Variants in NCAM1 observed in about 807,000 individuals in gnomAD.
NCAM1 encodes neural cell adhesion molecule 1.
In NCAM1, 14 loss-of-function variants were observed where a neutral mutation model predicts 109.8. The ratio of observed to expected loss-of-function variants is 0.13; its 90% CI spans 0.08 to 0.20. NCAM1 has a LOEUF of 0.20. Among genes scored for constraint, NCAM1 ranks in the 10% least tolerant of loss-of-function variants. NCAM1 has a pLI of 1.00. For missense variants in NCAM1, 774 were observed against 1,109.9 expected (o/e 0.70, Z 4.30); for synonymous variants, 418 against 442.9 (o/e 0.94, Z 0.70).
Position 113,271,805 on chromosome 11 carries a change from G to C in NCAM1, c.2385G>C (p.Glu795Asp), listed in dbSNP as rs1243401652. The C allele has an allele frequency of 6.4e-7, 1 of 1,570,394 alleles. No homozygotes were observed. Among genetic ancestry groups the C allele is most frequent in the Admixed American group, 1.9e-5 (1 of 53,520 alleles). ...KEPIVEVRTE[E>D]ERTPNHDGGK... ...CCATCGTGGAGGTTCGAACGGAGGA[G>C]GAGAGGACCCCAAACCATGATGGAG... Residue 795 changes from glutamate to aspartate, a missense_variant, in exon 19 of 20, where the codon GAG becomes GAC. Physicochemically the swap from Glu to Asp is conservative, Grantham distance 45. Transcript: ENST00000316851.
chr11:113,051,476 T>G (rs1263621998), intron 1 of NCAM1, among the ~76,000 whole-genome samples: 1 of 152,070 alleles, frequency 6.6e-6, no homozygotes, highest in African/African-American at 2.4e-5. Flanking sequence ...TGTAGAAAAT[T>G]TACAAACACA....
At chr11:113,081,598 G>A (rs1388887726) in intron 1 of NCAM1, among the ~76,000 whole-genome samples, 1 of 151,776 alleles carries the variant, frequency 6.6e-6, no homozygotes, top group Non-Finnish European at 1.5e-5. Context: ...GCAGTGGCAC[G>A]ATCTCGGCTC....
intron 9 of NCAM1, chr11:113,231,413 G>A: frequency 9.5e-7 from 1 of 1,055,782 alleles, no homozygotes; most frequent in South Asian, 1.5e-5. Context: ...TGACATAACT[G>A]AGTCTCATTT....
In NCAM1 at chr11:113,270,183, T is replaced by C; in HGVS notation, c.2132-5T>C. 2.5e-6 allele frequency: 4 copies of C among 1,613,818 alleles called. No homozygotes were observed. Among genetic ancestry groups the C allele is most frequent in the Non-Finnish European group, 3.4e-6 (4 of 1,179,854 alleles). On this transcript the variant is annotated splice_region_variant and splice_polypyrimidine_tract_variant and intron_variant, in intron 17 of 19. Transcript: ENST00000316851. ...TAACCACCAGCCATCTCTCTCCCAC[T>C]CAAGCCAACGGCAGCCCCACCTCAG... is the stretch of plus-strand genomic sequence containing the variant.
chr11:112,974,059 A>G (rs1950945777), intron 1 of NCAM1, among the ~76,000 whole-genome samples: 1 of 152,116 alleles, frequency 6.6e-6, no homozygotes, highest in Admixed American at 6.5e-5. Flanking sequence ...TATTTAAATA[A>G]TGGTTGCTGC....
At position 113,231,811 on chromosome 11, in the gene NCAM1, G is replaced by A. The variant is rs1945016369; in HGVS notation, c.1240+16G>A. ...GAAGTGCAATGTAAGGAATAAATGG[G>A]GAAGGACCTGGGGGAGGGAGGGGCA... On this transcript the variant is annotated intron_variant, in intron 10 of 19. Transcript: ENST00000316851. 1 of 1,613,728 alleles carries A rather than the reference G, an allele frequency of 6.2e-7. No individual in the cohort carries two copies.
intron 1 of NCAM1, among the ~76,000 whole-genome samples, chr11:113,190,426 C>T (rs1555109640): frequency 6.6e-6 from 1 of 152,182 alleles, no homozygotes; most frequent in African/African-American, 2.4e-5. Context: ...TGCAGACTCA[C>T]AGAAGAAGAA....
intron 15 of NCAM1, among the ~76,000 whole-genome samples, chr11:113,253,878 G>A (rs148643041): frequency 6.2e-4 from 95 of 152,320 alleles, no homozygotes; most frequent in Admixed American, 2.5e-3. Context: ...ATTCCAGTTT[G>A]CCTGGGACTG....
At chr11:113,170,141 C>T (rs562037711) in intron 1 of NCAM1, among the ~76,000 whole-genome samples, 2 of 152,114 alleles carry the variant, frequency 1.3e-5, no homozygotes, top group African/African-American at 2.4e-5. Flanking sequence ...AGCCTGAAAC[C>T]AAAGAAGGCA....
At chr11:113,254,367 C>T (rs542841961) in intron 15 of NCAM1, among the ~76,000 whole-genome samples, 1 of 152,308 alleles carries the variant, frequency 6.6e-6, no homozygotes, top group East Asian at 1.9e-4. Flanking sequence ...AAATATCCTC[C>T]AGACATTGTG....
chr11:113,268,700 CT>C (rs1478888240), intron 17 of NCAM1, among the ~76,000 whole-genome samples: 1 of 152,210 alleles, frequency 6.6e-6, no homozygotes, highest in African/African-American at 2.4e-5. Flanking sequence ...CAAATACAGG[CT>C]GCATGAAAAA....
At chr11:113,184,696 T>G (rs1379405802) in intron 1 of NCAM1, among the ~76,000 whole-genome samples, 2 of 152,100 alleles carry the variant, frequency 1.3e-5, no homozygotes, top group African/African-American at 4.8e-5. Flanking sequence ...TGGACATGAC[T>G]CACACAGGGA....
Position 113,207,361 on chromosome 11 carries a change from C to T in NCAM1, c.729C>T (p.Pro243=). Residue 243 remains proline (P), a synonymous_variant, in exon 6 of 20, where the codon CCC becomes CCT. Transcript: ENST00000316851. ...LVCDAEGFPE[P]TMSWTKDGEQ... is the part of the protein sequence containing the mutation. ...GCGATGCCGAAGGCTTCCCAGAGCC[C>T]ACCATGAGCTGGACAAAGTAAGAAA... 1 of 1,613,852 alleles carries T rather than the reference C, an allele frequency of 6.2e-7. No homozygotes were observed. The highest frequency in any genetic ancestry group is 8.5e-7 in the Non-Finnish European group (1 of 1,179,746).
chr11:113,062,465 C>A (rs970761849), intron 1 of NCAM1, among the ~76,000 whole-genome samples: 1 of 152,132 alleles, frequency 6.6e-6, no homozygotes, highest in South Asian at 2.1e-4. Context: ...ACAAAACCAA[C>A]GTGTTATCTG....
intron 1 of NCAM1, among the ~76,000 whole-genome samples, chr11:113,071,838 A>G (rs572539200): frequency 2.0e-5 from 3 of 152,206 alleles, no homozygotes; most frequent in Non-Finnish European, 4.4e-5. Flanking sequence ...ACTCTTGGGA[A>G]CTTAAAAAGA....
chr11:113,250,025 C>T (rs1057269645), intron 15 of NCAM1, among the ~76,000 whole-genome samples: 3 of 152,202 alleles, frequency 2.0e-5, no homozygotes, highest in Non-Finnish European at 2.9e-5. Flanking sequence ...TATCCCGAGG[C>T]TCCCTGGAGC....
chr11:113,233,176 G>C lies in NCAM1; in HGVS notation c.1552G>C (p.Val518Leu). The C allele has an allele frequency of 6.2e-7, 1 of 1,613,650 alleles. No individual in the cohort carries two copies. The highest frequency in any genetic ancestry group is 8.5e-7 in the Non-Finnish European group (1 of 1,179,868). The part of the protein sequence containing the change: ...DTPSSPSIDQ[V>L]EPYSSTAQVQ... ...CCCCTCTTCACCATCCATCGACCAG[G>C]TGGAGCCATACTCCAGCACAGCCCA... Residue 518 changes from valine (V) to leucine (L), a missense_variant, in exon 13 of 20, where the codon GTG (valine) becomes CTG (leucine). By Grantham distance (32) the Val-to-Leu change is conservative (BLOSUM62 1). Coordinates refer to ENST00000316851, the MANE Select transcript of NCAM1 (RefSeq NM_181351.5). This position sits in a 1 kb window ranked among gnomAD's most constrained non-coding sequence, Gnocchi z 4.5.
Position 113,207,346 on chromosome 11 carries a change from A to C in NCAM1, c.714A>C (p.Glu238Asp). 1 of 1,614,022 alleles carries C rather than the reference A, an allele frequency of 6.2e-7. No individual in the cohort carries two copies. The highest frequency in any genetic ancestry group is 8.5e-7 in the Non-Finnish European group (1 of 1,179,878). Residue 238 changes from glutamate (E) to aspartate (D), a missense_variant, in exon 6 of 20, where the codon GAA (glutamate) becomes GAC (aspartate). Physicochemically the swap from Glu to Asp is conservative, Grantham distance 45. Coordinates refer to ENST00000316851, the MANE Select transcript of NCAM1 (RefSeq NM_181351.5). Reference protein sequence around the residue: ...GQSVTLVCDAEGFPEPTMSWT... With the variant: ...GQSVTLVCDADGFPEPTMSWT... ...CCGTCACCCTGGTGTGCGATGCCGA[A>C]GGCTTCCCAGAGCCCACCATGAGCT... is the stretch of plus-strand genomic sequence containing the variant.
intron 1 of NCAM1, among the ~76,000 whole-genome samples, chr11:113,060,342 T>C (rs1407927098): frequency 6.6e-6 from 1 of 152,210 alleles, no homozygotes; most frequent in African/African-American, 2.4e-5. Context: ...TTTGGGTATT[T>C]ACATTCATTA....
Sources: gnomAD v4.1 joint callset for allele counts (sites outside exome capture counted in the v4.1 genomes callset) on GRCh38, gnomAD v4.1.1 for gene constraint, Gnocchi (gnomAD v3.1) non-coding constraint, MANE v1.5 for transcripts, NCBI Gene and HGNC (gene_info 2026-07-23, HGNC 2026-07-21) for gene names.